The following ATRNL1 variants were observed in gnomAD, a reference collection of about 807,000 sequenced individuals.
The protein encoded by ATRNL1 is attractin like 1.
ATRNL1 carries 95 observed loss-of-function variants against 182.7 expected under a neutral mutation model. The observed-to-expected ratio is 0.52, with a 90% CI of 0.44 to 0.62. The LOEUF is 0.62. Among genes scored for constraint, ATRNL1 ranks in the 20% least tolerant of loss-of-function variants. The pLI is 0.00. For synonymous variants in ATRNL1, 576 were observed against 568.3 expected, an observed-to-expected ratio of 1.01 and a Z score of -0.19; for missense variants, 1,471 against 1,679.5, an observed-to-expected ratio of 0.88 and a Z score of 2.17.
rs1950817842 is a variant in ATRNL1, at chr10:115,841,887, C to T, written c.3904-5990C>T. Among the ~76,000 whole-genome samples, 3 of 152,206 alleles carry T rather than the reference C, an allele frequency of 2.0e-5. No homozygotes were observed. The South Asian group carries it at 6.2e-4, about 32-fold the overall frequency. On this transcript the variant is annotated intron_variant, in intron 27 of 28. Coordinates refer to ENST00000355044, the MANE Select transcript of ATRNL1 (RefSeq NM_207303.4). ...ACACTTGATTAGCTGCGAGCCAAGT[C>T]ATCAGGCCCACTTAATACAATACTC...
At position 115,185,876 on chromosome 10, in the gene ATRNL1, C is replaced by T. The variant is rs1018589412; in HGVS notation, c.1348+14584C>T. 2.6e-5 allele frequency among the ~76,000 whole-genome samples: 4 copies of T among 151,970 alleles called. No homozygotes were observed. In the East Asian group the frequency reaches 7.7e-4, roughly 29 times the overall value. On this transcript the variant is annotated intron_variant, in intron 8 of 28. Transcript: ENST00000355044. ...TGTGTGCCTTTGTATATAATACCTACAGAAAGAGACATTACGTGTGGTAGA... is the reference window on the plus strand; with the variant it reads ...TGTGTGCCTTTGTATATAATACCTATAGAAAGAGACATTACGTGTGGTAGA...
intron 24 of ATRNL1, among the ~76,000 whole-genome samples, chr10:115,509,392 G>C (rs1554982078): frequency 1.3e-5 from 2 of 151,994 alleles, no homozygotes; most frequent in Admixed American, 6.6e-5. Flanking sequence ...GTGGGGGCCT[G>C]GTGGGAGGTG....
chr10:115,250,997 T>C (rs976922855), intron 10 of ATRNL1, among the ~76,000 whole-genome samples: 1 of 152,194 alleles, frequency 6.6e-6, no homozygotes, highest in South Asian at 2.1e-4. Flanking sequence ...TTCCCCTCCA[T>C]GTGAATGCAA....
At chr10:115,387,134 A>G (rs1490101094) in intron 19 of ATRNL1, among the ~76,000 whole-genome samples, 2 of 152,070 alleles carry the variant, frequency 1.3e-5, no homozygotes, top group Non-Finnish European at 1.5e-5. Context: ...TTGTAGGGAC[A>G]TGGATGAAAT....
At chr10:115,549,052 T>A (rs61881031) in intron 25 of ATRNL1, among the ~76,000 whole-genome samples, 2,372 of 152,238 alleles carry the variant, frequency 0.016, 24 homozygotes, top group South Asian at 0.025. Flanking sequence ...ATTTAATATG[T>A]TCATATATAA....
chr10:115,274,783 C>T (rs1160328536), intron 13 of ATRNL1, among the ~76,000 whole-genome samples: 1 of 152,184 alleles, frequency 6.6e-6, no homozygotes, highest in Non-Finnish European at 1.5e-5. Context: ...TAACAAATTT[C>T]AAGAAAGAAG....
intron 8 of ATRNL1, among the ~76,000 whole-genome samples, chr10:115,183,227 T>C (rs1847814325): frequency 6.6e-6 from 1 of 151,492 alleles, no homozygotes; most frequent in South Asian, 2.1e-4. Context: ...TTAGAGCAGT[T>C]ATCAGAAGTA....
intron 27 of ATRNL1, among the ~76,000 whole-genome samples, chr10:115,732,976 G>T (rs1555063679): frequency 6.6e-6 from 1 of 152,072 alleles, no homozygotes; most frequent in Admixed American, 6.5e-5. Flanking sequence ...AATCTAAATT[G>T]CTATAAAGAA....
At chr10:115,490,161 T>A (rs557573636) in intron 24 of ATRNL1, among the ~76,000 whole-genome samples, 106 of 152,278 alleles carry the variant, frequency 7.0e-4, no homozygotes, top group African/African-American at 2.5e-3. Context: ...TTAACATTTT[T>A]TTCCTTCATT....
intron 28 of ATRNL1, among the ~76,000 whole-genome samples, chr10:115,894,236 A>T (rs1187415518): frequency 6.6e-6 from 1 of 152,160 alleles, no homozygotes; most frequent in Non-Finnish European, 1.5e-5. Flanking sequence ...ATGATGGCTG[A>T]GTTTCTTTTC....
At chr10:115,891,113 A>G (rs1016601236) in intron 28 of ATRNL1, among the ~76,000 whole-genome samples, 2 of 152,212 alleles carry the variant, frequency 1.3e-5, no homozygotes, top group African/African-American at 2.4e-5. Context: ...GTTAAAAAAA[A>G]AATCATATGC....
At chr10:115,540,502 C>T (rs772199710) in intron 25 of ATRNL1, among the ~76,000 whole-genome samples, 7 of 152,072 alleles carry the variant, frequency 4.6e-5, no homozygotes, top group Non-Finnish European at 7.4e-5. Context: ...TGGCTCACAC[C>T]TGTAATCCCA....
chr10:115,150,946 C>T (rs1846197349), intron 5 of ATRNL1, among the ~76,000 whole-genome samples: 1 of 152,140 alleles, frequency 6.6e-6, no homozygotes, highest in Non-Finnish European at 1.5e-5. Flanking sequence ...TGTTCAATTC[C>T]CACCTATGAG....
At chr10:115,133,606 T>C (rs1383072059) in intron 5 of ATRNL1, among the ~76,000 whole-genome samples, 1 of 152,010 alleles carries the variant, frequency 6.6e-6, no homozygotes, top group Non-Finnish European at 1.5e-5. Context: ...ATGGGAGACT[T>C]TAACACCCCA....
At chr10:115,745,769 A>AAT (rs1293032280) in intron 27 of ATRNL1, among the ~76,000 whole-genome samples, 1 of 152,142 alleles carries the variant, frequency 6.6e-6, no homozygotes, top group Non-Finnish European at 1.5e-5. Context: ...GACGTAAATT[A>AAT]ATTTCCAACA....
intron 1 of ATRNL1, among the ~76,000 whole-genome samples, chr10:115,098,675 T>A (rs1297462768): frequency 6.6e-6 from 1 of 151,844 alleles, no homozygotes; most frequent in Non-Finnish European, 1.5e-5. Context: ...GCCAGGATGG[T>A]CTCGATCTCC....
At chr10:115,609,450 T>G (rs1416086160) in intron 26 of ATRNL1, among the ~76,000 whole-genome samples, 2 of 152,180 alleles carry the variant, frequency 1.3e-5, no homozygotes, top group Non-Finnish European at 2.9e-5. Flanking sequence ...AATGCTTAAT[T>G]TAGAGTTAAA....
chr10:115,619,701 G>T (rs1555022038), intron 26 of ATRNL1, among the ~76,000 whole-genome samples: 1 of 152,088 alleles, frequency 6.6e-6, no homozygotes, highest in Admixed American at 6.5e-5. Flanking sequence ...GACTTTTTAT[G>T]AATATCCATT....
intron 26 of ATRNL1, among the ~76,000 whole-genome samples, chr10:115,553,534 A>G (rs1280374196): frequency 6.6e-6 from 1 of 151,412 alleles, no homozygotes; most frequent in Non-Finnish European, 1.5e-5. Flanking sequence ...GGAGGATAAG[A>G]CATGCCCAAT....
Sources: gnomAD v4.1 joint callset for allele counts (sites outside exome capture counted in the v4.1 genomes callset) on GRCh38, gnomAD v4.1.1 for gene constraint, MANE v1.5 for transcripts, NCBI Gene and HGNC (gene_info 2026-07-23, HGNC 2026-07-21) for gene names.